SCRIB: variants seen among roughly 807,000 people sequenced by gnomAD.
SCRIB encodes the protein scribble planar cell polarity protein.
A neutral mutation model predicts 170.0 loss-of-function variants in SCRIB; 72 were observed. The ratio of observed to expected loss-of-function variants is 0.42; its 90% CI spans 0.35 to 0.52. SCRIB has a LOEUF of 0.52. Ranked by LOEUF, SCRIB falls within the 20% of genes least tolerant of loss-of-function variation. SCRIB has a pLI of 0.02. For missense variants in SCRIB, 2,475 were observed against 2,338.5 expected (o/e 1.06, Z -1.20); for synonymous variants, 1,298 against 1,044.3 (o/e 1.24, Z -4.68).
chr8:143,794,079 C>G, intron 27 of SCRIB, 117 bp from the exon 28 acceptor site: 7 of 903,340 alleles, frequency 7.7e-6, no homozygotes, highest in Non-Finnish European at 1.2e-5. Context: ...GTTCCCCAAC[C>G]TGACTATAGC....
rs1554635565 is a variant in SCRIB at position 143,803,761 on chromosome 8, T to G, written c.3300A>C (p.Glu1100Asp). The change falls in exon 23 of 37, where the codon GAA becomes GAC. Residue 1100 changes from glutamate (E) to aspartate (D), a missense_variant. By Grantham distance (45) the Glu-to-Asp change is conservative. Transcript: ENST00000356994. ...CCCCAGGTGCCTTCTGGATGCACAG[T>G]TCCCGTAGGCCCGGGGGTGCCGGGT... ...RRDPAPPGLR[E>D]LCIQKAPGER... The G allele has an allele frequency of 1.2e-6, 2 of 1,601,382 alleles. No homozygotes were observed. Among genetic ancestry groups the G allele is most frequent in the Non-Finnish European group, 1.7e-6 (2 of 1,179,278 alleles).
intron 25 of SCRIB, 43 bp downstream of exon 25, chr8:143,795,377 G>A (rs1554633887): frequency 9.3e-6 from 15 of 1,612,490 alleles, no homozygotes; most frequent in African/African-American, 4.0e-5. Flanking sequence ...CACCGGCCTC[G>A]GGCTCCCTGG....
chr8:143,810,334 C>G, intron 13 of SCRIB, 145 bp downstream of exon 13: 1 of 1,241,096 alleles, frequency 8.1e-7, no homozygotes, highest in Non-Finnish European at 1.1e-6. Flanking sequence ...CCCTGCAGCT[C>G]CATGTCCCTG....
At chr8:143,812,049 T>G (rs1477339168) in intron 9 of SCRIB, among the ~76,000 whole-genome samples, 1 of 152,118 alleles carries the variant, frequency 6.6e-6, no homozygotes, top group African/African-American at 2.4e-5. Context: ...AGACCTAGAT[T>G]CTTCACGGTA....
intron 1 of SCRIB, among the ~76,000 whole-genome samples, chr8:143,814,421 A>G (rs1395888866): frequency 6.6e-6 from 1 of 152,154 alleles, no homozygotes; most frequent in Non-Finnish European, 1.5e-5. Flanking sequence ...GGGCCCACCC[A>G]GCCCCTGAAC....
Position 143,795,485 on chromosome 8 carries a change from G to A in SCRIB, c.3649C>T (p.His1217Tyr). 6.2e-7 allele frequency: 1 copy of A among 1,613,238 alleles called. No homozygotes were observed. Among genetic ancestry groups the A allele is most frequent in the Non-Finnish European group, 8.5e-7 (1 of 1,179,804 alleles). Reference sequence around the variant, plus strand: ...GAGATGCTCTCCAGGCTGTTCCGGTGGCCGATGCCTGCCGCAAAGGGGTTG... The same window carrying A: ...GAGATGCTCTCCAGGCTGTTCCGGTAGCCGATGCCTGCCGCAAAGGGGTTG... ...IANPFAAGIGHRNSLESISSI... is the reference protein window; with the variant it reads ...IANPFAAGIGYRNSLESISSI... Residue 1217 changes from histidine to tyrosine, a missense_variant, in exon 25 of 37, where the codon CAC (histidine) becomes TAC (tyrosine). Coordinates refer to ENST00000356994, the MANE Select transcript of SCRIB (RefSeq NM_182706.5).
chr8:143,804,424 G>C (rs1026151602), intron 21 of SCRIB, 144 bp downstream of exon 21: 19 of 888,560 alleles, frequency 2.1e-5, no homozygotes, highest in Non-Finnish European at 2.9e-5. Context: ...CAGAGCCCCA[G>C]CCTCAAGGAG....
chr8:143,814,888 G>C, intron 1 of SCRIB: 1 of 330,932 alleles, frequency 3.0e-6, no homozygotes, highest in African/African-American at 2.1e-5. Context: ...AGCGGCCCAA[G>C]AAGCTAGTAC....
chr8:143,805,192 A>G lies in SCRIB; in HGVS notation c.2590T>C (p.Cys864Arg). The G allele has an allele frequency of 6.3e-7, 1 of 1,575,102 alleles. No individual in the cohort carries two copies. The highest frequency in any genetic ancestry group is 8.6e-7 in the Non-Finnish European group (1 of 1,162,104). ...AGCCCCCTCTCGCTGCGTGCCAGGC[A>G]GGCCACGTGGCGCTGACGGAGGGGC... Reference protein sequence around the residue: ...PGPLRQRHVACLARSERGLGF... With the variant: ...PGPLRQRHVARLARSERGLGF... Residue 864 changes from cysteine (C) to arginine (R), a missense_variant, in exon 19 of 37, where the codon TGC (cysteine) becomes CGC (arginine). Cys to Arg is a radical substitution (Grantham distance 180). Around this residue, in one of 3 missense-constraint regions of SCRIB, gnomAD observed 1,966 missense variants for 1,742.9 expected, o/e 1.13. Transcript: ENST00000356994.
In SCRIB at chr8:143,791,694, G is replaced by A. The variant is rs1290327074; in HGVS notation, c.4742C>T (p.Pro1581Leu). The A allele has an allele frequency of 3.1e-6, 5 of 1,605,120 alleles. No individual in the cohort carries two copies. The highest frequency in any genetic ancestry group is 2.2e-5 in the East Asian group (1 of 44,552). ...KFDYRAFAAL[P>L]SSRPVYDIQS... ...GATGTCATAGACAGGTCTGGAAGAAGGCAGGGCCGCAAAGGCCCTGTAGTC... is the reference window on the plus strand; with the variant it reads ...GATGTCATAGACAGGTCTGGAAGAAAGCAGGGCCGCAAAGGCCCTGTAGTC... The change falls in exon 35 of 37, where the codon CCT (proline) becomes CTT (leucine). Residue 1581 changes from proline to leucine, a missense_variant. This residue lies in a region of SCRIB where 1,966 missense variants were observed against 1,742.9 expected (regional missense o/e 1.13). Coordinates refer to ENST00000356994, the MANE Select transcript of SCRIB (RefSeq NM_182706.5).
Position 143,812,335 on chromosome 8 carries a change from G to C in SCRIB, c.837C>G (p.Cys279Trp). ...SILKVDQNRL[C>W]EVTEAIGDCE... ...AGTCCCCGATGGCCTCGGTCACCTC[G>C]CACAGCCGATTCTGGTCTACCTTTA... Residue 279 changes from cysteine to tryptophan, a missense_variant, in exon 9 of 37, where the codon TGC becomes TGG. Coordinates refer to ENST00000356994, the MANE Select transcript of SCRIB (RefSeq NM_182706.5). The C allele has an allele frequency of 6.2e-7, 1 of 1,613,682 alleles. No homozygotes were observed. The highest frequency in any genetic ancestry group is 1.1e-5 in the South Asian group (1 of 91,074).
intron 26 of SCRIB, 75 bp downstream of exon 26, chr8:143,795,202 C>T: frequency 1.3e-6 from 2 of 1,597,510 alleles, no homozygotes; most frequent in Non-Finnish European, 1.7e-6. Context: ...CTGGGGGTTA[C>T]TACCCAGCAC....
rs1388128430 is a variant in SCRIB at position 143,793,101 on chromosome 8, T to C, written c.3910-18A>G. 2.2e-6 allele frequency: 3 copies of C among 1,378,430 alleles called. No individual in the cohort carries two copies. The highest frequency in any genetic ancestry group is 5.3e-5 in the Admixed American group (2 of 37,916). 85.4% of individuals were successfully genotyped at this position (1,378,430 alleles called of 1,614,324 possible). On this transcript the variant is annotated intron_variant, in intron 28 of 36. Coordinates refer to ENST00000356994, the MANE Select transcript of SCRIB (RefSeq NM_182706.5). ...GAGGGCGGCTGGGGGGTGGGGCTCT[T>C]GTGAGCTATGCTGGGGCAGCTGTCG... is the stretch of plus-strand genomic sequence containing the variant.
Position 143,815,263 on chromosome 8 carries a change from C to G in SCRIB, c.110G>C (p.Ser37Thr). The change falls in exon 1 of 37, where the codon AGC becomes ACC. Residue 37 changes from serine (S) to threonine (T), a missense_variant. By Grantham distance (58) the Ser-to-Thr change is moderately conservative. This residue lies in a region of SCRIB where 487 missense variants were observed against 558.1 expected (regional missense o/e 0.87). Coordinates refer to ENST00000356994, the MANE Select transcript of SCRIB (RefSeq NM_182706.5). ...VPEEIYRYSR[S>T]LEELLLDANQ... ...GGCGTCGAGCAGCAGCTCCTCCAGG[C>G]TGCGGCTGTAGCGGTAGATCTCCTC... 1 of 1,596,808 alleles carries G rather than the reference C, an allele frequency of 6.3e-7. No homozygotes were observed. The highest frequency in any genetic ancestry group is 8.5e-7 in the Non-Finnish European group (1 of 1,175,078).
Position 143,812,365 on chromosome 8 carries a change from G to A in SCRIB, c.807C>T (p.Ser269=), listed in dbSNP as rs745896963. 3.7e-6 allele frequency: 6 copies of A among 1,613,086 alleles called. No individual in the cohort carries two copies. The highest frequency in any genetic ancestry group is 2.2e-5 in the East Asian group (1 of 44,902). The part of the protein sequence containing the change: ...PDGIGQLKQL[S]ILKVDQNRLC... ...GCCGATTCTGGTCTACCTTTAGGAT[G>A]GATAGCTGCTTCAGCTGACCTGGCG... is the stretch of plus-strand genomic sequence containing the variant. The change falls in exon 9 of 37, where the codon TCC becomes TCT. Residue 269 remains serine (S), a synonymous_variant. Transcript: ENST00000356994.
chr8:143,802,860 G>A (rs1387076632), intron 24 of SCRIB, among the ~76,000 whole-genome samples: 1 of 152,228 alleles, frequency 6.6e-6, no homozygotes, highest in Non-Finnish European at 1.5e-5. Flanking sequence ...CAGCAGTTGG[G>A]CAGGAGATCT....
chr8:143,795,581 A>G, intron 24 of SCRIB, 51 bp from the exon 25 acceptor site: 1 of 1,457,876 alleles, frequency 6.9e-7, no homozygotes, highest in Non-Finnish European at 9.5e-7. Context: ...CCGGGGTCCC[A>G]CCTCTGGGGC....
rs896565384 is a variant in SCRIB, at chr8:143,813,459, G to A, written c.503+11C>T. 1.9e-6 allele frequency: 3 copies of A among 1,613,152 alleles called. No homozygotes were observed. Among genetic ancestry groups the A allele is most frequent in the Admixed American group, 1.7e-5 (1 of 60,010 alleles). Reference sequence around the variant, plus strand: ...TGCCCTGGCTGTTAGGAGAATGCCTGTCACACTCACGCTGGCAGGGACTTG... The same window carrying A: ...TGCCCTGGCTGTTAGGAGAATGCCTATCACACTCACGCTGGCAGGGACTTG... On this transcript the variant is annotated intron_variant, in intron 5 of 36. Coordinates refer to ENST00000356994, the MANE Select transcript of SCRIB (RefSeq NM_182706.5).
At chr8:143,809,115 T>C in intron 14 of SCRIB, 90 bp from the exon 15 acceptor site, 1 of 1,444,116 alleles carries the variant, frequency 6.9e-7, no homozygotes, top group Non-Finnish European at 9.2e-7. Flanking sequence ...ACAGACGGGC[T>C]CCGAAAGCCT....
Sources: gnomAD v4.1 joint callset for allele counts (sites outside exome capture counted in the v4.1 genomes callset) on GRCh38, gnomAD v4.1.1 for gene constraint, gnomAD v4.1.1 regional missense constraint, MANE v1.5 for transcripts, NCBI Gene and HGNC (gene_info 2026-07-23, HGNC 2026-07-21) for gene names.